The following LHX8 variants were observed in gnomAD, a reference collection of about 807,000 sequenced individuals.
LHX8 encodes LIM/homeobox protein Lhx8.
A neutral mutation model predicts 40.3 loss-of-function variants in LHX8; 12 were observed. The observed-to-expected ratio is 0.30, with a 90% CI of 0.19 to 0.48. The LOEUF is 0.48. Among genes scored for constraint, LHX8 ranks in the 20% least tolerant of loss-of-function variants. LHX8 has a pLI of 0.99. For synonymous variants in LHX8, 179 were observed against 162.0 expected, an observed-to-expected ratio of 1.10 and a Z score of -0.80; for missense variants, 344 against 433.7, an observed-to-expected ratio of 0.79 and a Z score of 1.84.
At chr1:75,160,625 G>C (rs1648891903) in intron 8 of LHX8, 194 bp from the exon 9 acceptor site, 1 of 595,248 alleles carries the variant, frequency 1.7e-6, no homozygotes, top group African/African-American at 1.9e-5. Context: ...AAAGATTTGG[G>C]GGTAAAACTG....
At chr1:75,197,747 T>G in the LHX8 span, among the ~76,000 whole-genome samples, 64 of 152,296 alleles carry the variant, frequency 4.2e-4, 1 homozygote, top group African/African-American at 1.5e-3. Context: ...TAGACAGATT[T>G]GAAGCCTGCA....
intron 7 of LHX8, among the ~76,000 whole-genome samples, chr1:75,153,191 C>T (rs990253406): frequency 2.0e-5 from 3 of 151,800 alleles, no homozygotes; most frequent in African/African-American, 2.4e-5. Context: ...CTTCAACCTC[C>T]GCCTTCCGGA....
downstream of LHX8, among the ~76,000 whole-genome samples, chr1:75,163,198 A>G (rs1648965031): frequency 2.6e-5 from 4 of 152,176 alleles, no homozygotes; most frequent in Admixed American, 2.0e-4. Context: ...AATTATAAGT[A>G]CACCTGTTTT....
At chr1:75,163,652 TAGTA>T (rs1648975185), downstream of LHX8, among the ~76,000 whole-genome samples, 2 of 152,180 alleles carry the variant, frequency 1.3e-5, no homozygotes, top group South Asian at 2.1e-4. Flanking sequence ...TTCAATCAGA[TAGTA>T]AGTACTATTT....
chr1:75,162,624 C>T (rs1648945188), downstream of LHX8, among the ~76,000 whole-genome samples: 1 of 151,820 alleles, frequency 6.6e-6, no homozygotes, highest in South Asian at 2.1e-4. Flanking sequence ...AGATGAATGC[C>T]CAAAGTTGAA....
intron 7 of LHX8, among the ~76,000 whole-genome samples, 188 bp downstream of exon 7, chr1:75,148,870 G>C (rs1000710147): frequency 1.3e-5 from 2 of 152,062 alleles, no homozygotes; most frequent in African/African-American, 4.8e-5. Context: ...GGTCAATCAA[G>C]AGAAACAAAA....
At chr1:75,168,331 T>C in the LHX8 span, among the ~76,000 whole-genome samples, 2 of 152,142 alleles carry the variant, frequency 1.3e-5, 1 homozygote, top group Non-Finnish European at 2.9e-5. Flanking sequence ...CAAACTACTC[T>C]CCTGCCTCAG....
At chr1:75,182,519 A>G in the LHX8 span, among the ~76,000 whole-genome samples, 1 of 152,032 alleles carries the variant, frequency 6.6e-6, no homozygotes, top group Non-Finnish European at 1.5e-5. Context: ...GATTACAGGC[A>G]TGTGCCACCA....
chr1:75,177,200 A>G, the LHX8 span, among the ~76,000 whole-genome samples: 7,707 of 152,074 alleles, frequency 0.051, 211 homozygotes, highest in Middle Eastern at 0.095. Flanking sequence ...GTTTTTTCCA[A>G]TTCTGTGAAG....
chr1:75,184,036 T>C, the LHX8 span, among the ~76,000 whole-genome samples: 2 of 152,134 alleles, frequency 1.3e-5, no homozygotes, highest in Admixed American at 6.5e-5. Context: ...AAAGAGGTCA[T>C]GACAATAATG....
chr1:75,154,935 A>G lies in LHX8; in HGVS notation c.781-1958A>G, dbSNP rs143364995. 2.0e-5 allele frequency among the ~76,000 whole-genome samples: 3 copies of G among 152,228 alleles called. No homozygotes were observed. The East Asian group carries it at 5.8e-4, about 29-fold the overall frequency. ...TGAGAGTATACTTTGCCAACCTTCT[A>G]TTTTTGAATGCCAGGGGCAGGGTGT... On this transcript the variant is annotated intron_variant, in intron 7 of 8. Transcript: ENST00000356261.
chr1:75,155,786 T>G (rs1313935283), intron 7 of LHX8, among the ~76,000 whole-genome samples: 2 of 152,186 alleles, frequency 1.3e-5, no homozygotes, highest in East Asian at 1.9e-4. Context: ...TATTATGAGT[T>G]TTTTTCTTAT....
intron 6 of LHX8, among the ~76,000 whole-genome samples, chr1:75,146,152 T>C (rs1315651621): frequency 6.6e-6 from 1 of 152,158 alleles, no homozygotes; most frequent in African/African-American, 2.4e-5. Context: ...CTCCTACATT[T>C]AGGAATGCTG....
intron 8 of LHX8, among the ~76,000 whole-genome samples, chr1:75,158,647 G>T (rs1648833069): frequency 1.3e-5 from 2 of 152,072 alleles, no homozygotes; most frequent in Admixed American, 1.3e-4. Flanking sequence ...AGACATATTT[G>T]CCATAAATCA....
intron 7 of LHX8, among the ~76,000 whole-genome samples, chr1:75,152,919 C>T (rs563986650): frequency 2.6e-5 from 4 of 151,890 alleles, no homozygotes; most frequent in Non-Finnish European, 4.4e-5. Context: ...TTTTTAAGAC[C>T]GTATGTTTTT....
At chr1:75,150,669 A>G (rs1013642601) in intron 7 of LHX8, among the ~76,000 whole-genome samples, 1 of 151,760 alleles carries the variant, frequency 6.6e-6, no homozygotes, top group African/African-American at 2.4e-5. Flanking sequence ...GAAATGGAAA[A>G]TAATTTTATT....
the LHX8 span, among the ~76,000 whole-genome samples, chr1:75,175,050 G>C: frequency 6.6e-6 from 1 of 152,184 alleles, no homozygotes; most frequent in Non-Finnish European, 1.5e-5. Context: ...TTATGAGTGA[G>C]AACATAAGAT....
chr1:75,158,678 A>G (rs941068839), intron 8 of LHX8, among the ~76,000 whole-genome samples: 2 of 151,972 alleles, frequency 1.3e-5, no homozygotes, highest in Non-Finnish European at 2.9e-5. Flanking sequence ...TGTTGTGTCA[A>G]TTTCTGTACC....
At chr1:75,131,077 A>T (rs1433860295), upstream of LHX8, 1 of 400,780 alleles carries the variant, frequency 2.5e-6, no homozygotes. Flanking sequence ...CGGGTCCGCA[A>T]GAGCAGGGCT....
Sources: allele counts gnomAD v4.1 joint callset (sites outside exome capture counted in the v4.1 genomes callset), GRCh38; gene constraint gnomAD v4.1.1; transcripts MANE v1.5; gene names NCBI Gene and HGNC (gene_info 2026-07-23, HGNC 2026-07-21).